The following LMAN2 variants were observed in gnomAD, a reference collection of about 807,000 sequenced individuals.
LMAN2 encodes the protein lectin, mannose binding 2.
Under a neutral mutation model 39.3 loss-of-function variants are expected in LMAN2, and 22 were observed. The observed-to-expected ratio is 0.56, with a 90% CI of 0.40 to 0.80. The LOEUF is 0.80. Ranked by LOEUF, LMAN2 falls within the 30% of genes least tolerant of loss-of-function variation. The pLI is 0.00. For missense variants in LMAN2, 494 were observed against 505.4 expected (o/e 0.98, Z 0.22); for synonymous variants, 207 against 207.8 (o/e 1.00, Z 0.03).
chr5:177,339,626 A>G (rs1761523748), intron 2 of LMAN2, among the ~76,000 whole-genome samples: 1 of 152,212 alleles, frequency 6.6e-6, no homozygotes, highest in African/African-American at 2.4e-5. Flanking sequence ...ACAAAGGCAA[A>G]CCCAAACAGG....
At chr5:177,343,948 G>A (rs1761595641) in intron 2 of LMAN2, among the ~76,000 whole-genome samples, 1 of 151,998 alleles carries the variant, frequency 6.6e-6, no homozygotes, top group Non-Finnish European at 1.5e-5. Flanking sequence ...AGTAGCTCAC[G>A]CCTGTAATCC....
In LMAN2 at chr5:177,332,067, G is replaced by T; in HGVS notation, c.*19C>A. On this transcript the variant is annotated 3_prime_UTR_variant, in exon 8 of 8. Coordinates refer to ENST00000303127, the MANE Select transcript of LMAN2 (RefSeq NM_006816.3). This position sits in a 1 kb window ranked among gnomAD's most constrained non-coding sequence, Gnocchi z 6.3. ...CATTGGCTCCTGGGCCCAGGGACAG[G>T]CCCCGCCGGAGGCGCCACTCAGTAG... 1 of 1,590,580 alleles carries T rather than the reference G, an allele frequency of 6.3e-7. No individual in the cohort carries two copies.
chr5:177,345,513 T>C (rs1384637931), intron 2 of LMAN2, among the ~76,000 whole-genome samples: 1 of 152,006 alleles, frequency 6.6e-6, no homozygotes, highest in African/African-American at 2.4e-5. Context: ...TAATATACCA[T>C]TTATAAGAGA....
chr5:177,343,962 C>T (rs1240791142), intron 2 of LMAN2, among the ~76,000 whole-genome samples: 1 of 152,026 alleles, frequency 6.6e-6, no homozygotes, highest in Non-Finnish European at 1.5e-5. Context: ...GTAATCCCAG[C>T]ACTTTGGGAG....
chr5:177,342,889 GAC>G (rs1655701517), intron 2 of LMAN2, among the ~76,000 whole-genome samples: 1 of 151,170 alleles, frequency 6.6e-6, no homozygotes. Context: ...AGGGTGAAAA[GAC>G]AACCCACAGA....
rs781776866 is a variant in LMAN2 at position 177,334,294 on chromosome 5, C to T, written c.900G>A (p.Lys300=). The part of the protein sequence containing the change: ...TKIEPSVNFL[K]SPKDNVDDPT... The stretch of plus-strand genomic sequence containing the variant: ...GCTGTGCACACGCACCTTTGGGCGA[C>T]TTGAGGAAGTTGACGCTGGGCTCGA... Residue 300 remains lysine (K), a synonymous_variant, in exon 7 of 8, where the codon AAG becomes AAA. Transcript: ENST00000303127. 6.2e-7 allele frequency: 1 copy of T among 1,612,138 alleles called. No individual in the cohort carries two copies. The highest frequency in any genetic ancestry group is 8.5e-7 in the Non-Finnish European group (1 of 1,179,906).
chr5:177,347,624 A>G (rs1761654728), intron 2 of LMAN2, among the ~76,000 whole-genome samples: 1 of 152,216 alleles, frequency 6.6e-6, no homozygotes, highest in Non-Finnish European at 1.5e-5. Context: ...ACACCAGGCC[A>G]ACTACATCAG....
chr5:177,346,974 T>C (rs1488798051), intron 2 of LMAN2, among the ~76,000 whole-genome samples: 2 of 152,158 alleles, frequency 1.3e-5, no homozygotes, highest in Admixed American at 6.5e-5. Flanking sequence ...TGGCACACTG[T>C]AGTCAACAAG....
At chr5:177,336,443 C>T (rs1019500285) in intron 6 of LMAN2, among the ~76,000 whole-genome samples, 3 of 152,258 alleles carry the variant, frequency 2.0e-5, no homozygotes, top group South Asian at 2.1e-4. Context: ...GCTGTGCTCA[C>T]GAGAGACTGT....
chr5:177,338,437 C>T, intron 3 of LMAN2, 51 bp downstream of exon 3: 1 of 1,478,478 alleles, frequency 6.8e-7, no homozygotes, highest in South Asian at 1.1e-5. Flanking sequence ...GGGCCAGCAG[C>T]CATGCCCGTG....
chr5:177,337,869 G>C lies in LMAN2; in HGVS notation c.434-84C>G. 1 of 1,249,852 alleles carries C rather than the reference G, an allele frequency of 8.0e-7. No individual in the cohort carries two copies. Among genetic ancestry groups the C allele is most frequent in the South Asian group, 1.3e-5 (1 of 79,166 alleles). 77.4% of individuals were successfully genotyped at this position (1,249,852 alleles called of 1,614,324 possible). A position where few individuals can be genotyped will look rare whatever the true frequency, so the allele number is the denominator to read the frequency against. On this transcript the variant is annotated intron_variant, in intron 3 of 7. Transcript: ENST00000303127. The surrounding 1 kb of genome is among the most constrained non-coding windows in gnomAD (Gnocchi z 8.2). ...CTAAAAGGCAAGCAATGCCAACATG[G>C]GTGGGGGCAAGAGAGCCCAACCCAC...
chr5:177,337,678 T>C lies in LMAN2; in HGVS notation c.513+28A>G, dbSNP rs780027669. ...GCCGACTGCCCAGTCCTTCCTTTCC[T>C]GCTCAGCAGGATAGAGCAGGGGCCT... On this transcript the variant is annotated intron_variant, in intron 4 of 7. Coordinates refer to ENST00000303127, the MANE Select transcript of LMAN2 (RefSeq NM_006816.3). The surrounding 1 kb of genome is among the most constrained non-coding windows in gnomAD (Gnocchi z 8.2). 1 of 1,612,662 alleles carries C rather than the reference T, an allele frequency of 6.2e-7. No homozygotes were observed. Among genetic ancestry groups the C allele is most frequent in the South Asian group, 1.1e-5 (1 of 90,904 alleles).
intron 2 of LMAN2, among the ~76,000 whole-genome samples, chr5:177,345,043 T>C (rs1176772517): frequency 6.6e-6 from 1 of 151,698 alleles, no homozygotes. Flanking sequence ...ATGACATCTT[T>C]TAAATGCCAT....
At chr5:177,341,318 G>A (rs1054582592) in intron 2 of LMAN2, among the ~76,000 whole-genome samples, 7 of 149,924 alleles carry the variant, frequency 4.7e-5, no homozygotes, top group East Asian at 2.0e-4. Flanking sequence ...CGCCCGTCTC[G>A]GCCTCCCAAA....
intron 2 of LMAN2, among the ~76,000 whole-genome samples, chr5:177,341,495 GAT>G: frequency 6.6e-6 from 1 of 152,356 alleles, no homozygotes; most frequent in South Asian, 2.1e-4. Flanking sequence ...GCAGATGACT[GAT>G]ATGTTTGGAG....
intron 2 of LMAN2, among the ~76,000 whole-genome samples, chr5:177,348,574 G>C (rs1286364315): frequency 2.0e-5 from 3 of 151,346 alleles, no homozygotes; most frequent in Non-Finnish European, 4.4e-5. Flanking sequence ...TGTAATCCCA[G>C]CTACTGGGGA....
rs1392547015 is a variant in LMAN2, at chr5:177,334,274, G to C, written c.910+10C>G. 20 of 1,610,058 alleles carry C rather than the reference G, an allele frequency of 1.2e-5. No individual in the cohort carries two copies. Among genetic ancestry groups the C allele is most frequent in the Non-Finnish European group, 1.6e-5 (19 of 1,179,268 alleles). ...CCAGGCCCAGGCAGGGCGGGGCTGTGCACACGCACCTTTGGGCGACTTGAG... is the reference window on the plus strand; with the variant it reads ...CCAGGCCCAGGCAGGGCGGGGCTGTCCACACGCACCTTTGGGCGACTTGAG... On this transcript the variant is annotated intron_variant, in intron 7 of 7. Transcript: ENST00000303127.
chr5:177,338,754 T>C, intron 2 of LMAN2, 149 bp from the exon 3 acceptor site: 2 of 695,234 alleles, frequency 2.9e-6, no homozygotes, highest in South Asian at 1.6e-5. Flanking sequence ...CAAGTGCCAC[T>C]GACCACAGAC....
In LMAN2 at chr5:177,334,311, T is replaced by G. The variant is rs763350001; in HGVS notation, c.883A>C (p.Ser295Arg). The G allele has an allele frequency of 4.3e-6, 7 of 1,612,644 alleles. No individual in the cohort carries two copies. Among genetic ancestry groups the G allele is most frequent in the Non-Finnish European group, 5.9e-6 (7 of 1,180,002 alleles). ...TTGGGCGACTTGAGGAAGTTGACGCTGGGCTCGATCTTGGTCCAGTCGATG... is the reference window on the plus strand; with the variant it reads ...TTGGGCGACTTGAGGAAGTTGACGCGGGGCTCGATCTTGGTCCAGTCGATG... ...ESIDWTKIEPSVNFLKSPKDN... is the reference protein window; with the variant it reads ...ESIDWTKIEPRVNFLKSPKDN... Residue 295 changes from serine (S) to arginine (R), a missense_variant, in exon 7 of 8, where the codon AGC becomes CGC. Coordinates refer to ENST00000303127, the MANE Select transcript of LMAN2 (RefSeq NM_006816.3).
Sources: allele counts gnomAD v4.1 joint callset (sites outside exome capture counted in the v4.1 genomes callset), GRCh38; gene constraint gnomAD v4.1.1; non-coding constraint Gnocchi (gnomAD v3.1); transcripts MANE v1.5; gene names NCBI Gene and HGNC (gene_info 2026-07-23, HGNC 2026-07-21).